The following STAG1 variants were observed in gnomAD, a reference collection of about 807,000 sequenced individuals.
STAG1 encodes STAG1 cohesin complex component.
Under a neutral mutation model 170.9 loss-of-function variants are expected in STAG1, and 26 were observed. The ratio of observed to expected loss-of-function variants is 0.15; its 90% CI spans 0.11 to 0.21. The LOEUF is 0.21. Among genes scored for constraint, STAG1 ranks in the 10% least tolerant of loss-of-function variants. The pLI, the probability that STAG1 is intolerant of heterozygous loss-of-function variation, is 1.00. For missense variants in STAG1, 964 were observed against 1,509.5 expected (o/e 0.64, Z 5.99); for synonymous variants, 514 against 497.7 (o/e 1.03, Z -0.44).
chr3:136,656,295 T>C (rs1011257676), intron 1 of STAG1, among the ~76,000 whole-genome samples: 1 of 152,152 alleles, frequency 6.6e-6, no homozygotes, highest in Non-Finnish European at 1.5e-5. Flanking sequence ...AGGGTTTTTA[T>C]TTAACGGGTA....
At chr3:136,744,706 C>T (rs1378864296) in intron 1 of STAG1, among the ~76,000 whole-genome samples, 1 of 136,660 alleles carries the variant, frequency 7.3e-6, no homozygotes, top group Non-Finnish European at 1.5e-5. Flanking sequence ...GACAGAGTCT[C>T]ACTCTGTCAC....
intron 23 of STAG1, among the ~76,000 whole-genome samples, chr3:136,374,831 A>G (rs1035327495): frequency 6.6e-6 from 1 of 152,198 alleles, no homozygotes; most frequent in African/African-American, 2.4e-5. Flanking sequence ...ACAGTGATGT[A>G]TAGTAATGTC....
chr3:136,724,163 G>GC (rs1276354626), intron 1 of STAG1, among the ~76,000 whole-genome samples: 1 of 152,100 alleles, frequency 6.6e-6, no homozygotes, highest in African/African-American at 2.4e-5. Flanking sequence ...AATAGAGGAG[G>GC]GGAGAAAGGC....
chr3:136,518,658 G>A (rs534222354), intron 7 of STAG1, among the ~76,000 whole-genome samples: 1 of 152,124 alleles, frequency 6.6e-6, no homozygotes, highest in Admixed American at 6.5e-5. Context: ...AGACACATGG[G>A]AATTACAGTA....
chr3:136,431,580 T>A (rs946443670), intron 16 of STAG1, among the ~76,000 whole-genome samples: 1 of 152,218 alleles, frequency 6.6e-6, no homozygotes. Flanking sequence ...GAAGGACTTC[T>A]TTTAGCATTT....
intron 1 of STAG1, among the ~76,000 whole-genome samples, chr3:136,722,679 CCCCTTTCCCTCTCCCCACGGTCT>C (rs1933360052): frequency 6.7e-6 from 1 of 149,050 alleles, no homozygotes; most frequent in South Asian, 2.1e-4. Context: ...CTCCCTCTCC[CCCCTTTCCCTCTCCCCACGGTCT>C]CCCTCTCCCT....
intron 2 of STAG1, among the ~76,000 whole-genome samples, chr3:136,625,391 G>C (rs1278423269): frequency 1.3e-5 from 2 of 152,148 alleles, no homozygotes; most frequent in Non-Finnish European, 2.9e-5. Context: ...CCGCATTCCA[G>C]ATCTCTGACT....
intron 22 of STAG1, among the ~76,000 whole-genome samples, chr3:136,382,186 A>G (rs1001857910): frequency 6.6e-6 from 1 of 152,176 alleles, no homozygotes; most frequent in Non-Finnish European, 1.5e-5. Context: ...AGTATGTAAG[A>G]AAGTCTAGGG....
At chr3:136,676,201 G>GGTGA (rs772334336) in intron 1 of STAG1, among the ~76,000 whole-genome samples, 1 of 152,178 alleles carries the variant, frequency 6.6e-6, no homozygotes, top group Non-Finnish European at 1.5e-5. Flanking sequence ...AGTTGCTCTA[G>GGTGA]GTGAGTGAGT....
intron 27 of STAG1, among the ~76,000 whole-genome samples, chr3:136,358,731 T>C (rs1484507530): frequency 6.6e-6 from 1 of 152,018 alleles, no homozygotes; most frequent in South Asian, 2.1e-4. Context: ...CATGCCACTA[T>C]GCCTGGCTCA....
At position 136,702,117 on chromosome 3, in the gene STAG1, G is replaced by GAC. The variant is rs1273395634; in HGVS notation, c.-84+50077_-84+50078insGT. 1.2e-3 allele frequency among the ~76,000 whole-genome samples: 83 copies of GAC among 71,806 alleles called. 2 individuals carry two copies. The highest frequency in any genetic ancestry group is 4.8e-3 in the African/African-American group (81 of 16,886). The allele number at this position is 71,806 out of a possible 152,430, so 47.1% of individuals were successfully genotyped here. Reference sequence around the variant, plus strand: ...AGAGAGAGAGAGAGAGAGAGAGAGAGAGAGACAGAGAGACAGAGAGACAGA... The same window carrying GAC: ...AGAGAGAGAGAGAGAGAGAGAGAGAGACAGAGACAGAGAGACAGAGAGACAGA... On this transcript the variant is annotated intron_variant, in intron 1 of 33. Transcript: ENST00000383202.
At chr3:136,688,549 G>A (rs570533227) in intron 1 of STAG1, among the ~76,000 whole-genome samples, 62 of 151,992 alleles carry the variant, frequency 4.1e-4, no homozygotes, top group Non-Finnish European at 5.3e-4. Context: ...ATGTCACCGC[G>A]CCCAGCTAAT....
At chr3:136,478,080 G>T (rs994463406) in intron 9 of STAG1, among the ~76,000 whole-genome samples, 2 of 152,150 alleles carry the variant, frequency 1.3e-5, no homozygotes, top group African/African-American at 4.8e-5. Flanking sequence ...GTGAGCCACT[G>T]TGACCGGCCA....
rs558291233 is a variant in STAG1, at chr3:136,348,292, G to GTT, written c.3271+864_3271+865dup. ...TTTGTTTTAATAGAGCAATTTTTAG[G>GTT]TTTTTTTTTTTTTTTAACATATAGG... On this transcript the variant is annotated intron_variant, in intron 29 of 33. Coordinates refer to ENST00000383202, the MANE Select transcript of STAG1 (RefSeq NM_005862.3). Among the ~76,000 whole-genome samples the GTT allele has an allele frequency of 7.4e-4, 103 of 139,006 alleles. 1 individual carries two copies. The highest frequency in any genetic ancestry group is 2.5e-3 in the African/African-American group (95 of 38,006). The allele number at this position is 139,006 out of a possible 152,430, so 91.2% of individuals were successfully genotyped here.
Position 136,539,739 on chromosome 3 carries a change from T to C in STAG1, c.471+2380A>G, listed in dbSNP as rs957811902. ...TTTTTAAATTAGGTTGACATTACAA[T>C]CACAAAGCACTGCTATGTGCAGGTT... On this transcript the variant is annotated intron_variant, in intron 6 of 33. Coordinates refer to ENST00000383202, the MANE Select transcript of STAG1 (RefSeq NM_005862.3). Among the ~76,000 whole-genome samples, 10 of 152,332 alleles carry C rather than the reference T, an allele frequency of 6.6e-5. No individual in the cohort carries two copies. In the South Asian group the frequency reaches 1.2e-3, roughly 19 times the overall value.
intron 1 of STAG1, among the ~76,000 whole-genome samples, chr3:136,707,005 A>G (rs1335506744): frequency 6.6e-6 from 1 of 152,228 alleles, no homozygotes; most frequent in African/African-American, 2.4e-5. Context: ...CCCACAAGCA[A>G]AAGAATGAAG....
At chr3:136,546,567 C>T (rs1486061183) in intron 5 of STAG1, among the ~76,000 whole-genome samples, 4 of 152,064 alleles carry the variant, frequency 2.6e-5, no homozygotes, top group Non-Finnish European at 5.9e-5. Context: ...CCTTTCATCG[C>T]ATGGTATGGA....
intron 14 of STAG1, among the ~76,000 whole-genome samples, chr3:136,443,779 A>C (rs35418151): frequency 0.73 from 111,301 of 151,700 alleles, 41,032 homozygotes; most frequent in East Asian, 0.86. Flanking sequence ...GGAAATTAAT[A>C]ATTTTTCCCT....
At chr3:136,503,782 C>A (rs1338638963) in intron 7 of STAG1, among the ~76,000 whole-genome samples, 1 of 151,982 alleles carries the variant, frequency 6.6e-6, no homozygotes, top group African/African-American at 2.4e-5. Context: ...GTTGCCCAGG[C>A]TGGAGTGCAA....
Sources: allele counts gnomAD v4.1 joint callset (sites outside exome capture counted in the v4.1 genomes callset), GRCh38; gene constraint gnomAD v4.1.1; transcripts MANE v1.5; gene names NCBI Gene and HGNC (gene_info 2026-07-23, HGNC 2026-07-21).